The following CADM2 variants were observed in gnomAD, a reference collection of about 807,000 sequenced individuals.
CADM2 encodes immunoglobulin superfamily member 4D.
Under a neutral mutation model 49.8 loss-of-function variants are expected in CADM2, and 12 were observed. The observed-to-expected ratio is 0.24, with a 90% confidence interval of 0.15 to 0.39. The LOEUF (loss-of-function observed/expected upper bound fraction) is 0.39. CADM2 is among the 10% of genes least tolerant of loss of function. The pLI, the probability that CADM2 is intolerant of heterozygous loss-of-function variation, is 1.00. For synonymous variants in CADM2, 214 were observed against 175.4 expected (o/e 1.22, Z -1.74); for missense variants, 378 against 492.3 (o/e 0.77, Z 2.20).
intron 1 of CADM2, among the ~76,000 whole-genome samples, chr3:85,451,164 G>A (rs979160179): frequency 2.0e-5 from 3 of 151,878 alleles, no homozygotes; most frequent in Non-Finnish European, 4.4e-5. Flanking sequence ...GCTGTAATCT[G>A]TTTATTTACA....
In CADM2 at chr3:85,979,685, C is replaced by A. The variant is rs570348792; in HGVS notation, c.970+18038C>A. The stretch of plus-strand genomic sequence containing the variant: ...ATATTAATAACTTGCCACTCCTCTG[C>A]AACTATGTTAAAATATCTATAGTTT... On this transcript the variant is annotated intron_variant, in intron 8 of 9. Coordinates refer to ENST00000383699, the MANE Select transcript of CADM2 (RefSeq NM_001167675.2). 1.7e-4 allele frequency among the ~76,000 whole-genome samples: 26 copies of A among 151,636 alleles called. No individual in the cohort carries two copies. In the South Asian group the frequency reaches 5.2e-3, roughly 30 times the overall value.
In CADM2 at chr3:85,843,560, G is replaced by A. The variant is rs184303890; in HGVS notation, c.239-39731G>A. On this transcript the variant is annotated intron_variant, in intron 3 of 9. Coordinates refer to ENST00000383699, the MANE Select transcript of CADM2 (RefSeq NM_001167675.2). The stretch of plus-strand genomic sequence containing the variant: ...TTTTTTCTCAAATAAATATTTATAT[G>A]AGGTTTTGTAACCATCCCATTATGT... Among the ~76,000 whole-genome samples, 415 of 152,060 alleles carry A rather than the reference G, an allele frequency of 2.7e-3. 1 individual carries two copies. Among genetic ancestry groups the A allele is most frequent in the African/African-American group, 9.6e-3 (399 of 41,486 alleles).
chr3:85,189,886 G>A (rs1030464901), intron 1 of CADM2, among the ~76,000 whole-genome samples: 1 of 95,288 alleles, frequency 1.0e-5, no homozygotes, highest in African/African-American at 1.1e-4. Context: ...GATATTATCA[G>A]TATCAGTTCC....
chr3:85,270,896 T>C (rs1012815048), intron 1 of CADM2, among the ~76,000 whole-genome samples: 1 of 151,486 alleles, frequency 6.6e-6, no homozygotes, highest in Admixed American at 6.6e-5. Flanking sequence ...AGCATATTTC[T>C]TCAATGAGTA....
chr3:86,057,730 A>G (rs544191545), intron 8 of CADM2, among the ~76,000 whole-genome samples: 1 of 152,274 alleles, frequency 6.6e-6, no homozygotes, highest in South Asian at 2.1e-4. Context: ...TGTTGTTCGG[A>G]CTTTGCATGC....
intron 1 of CADM2, among the ~76,000 whole-genome samples, chr3:85,525,039 G>A (rs1207554291): frequency 6.6e-6 from 1 of 152,082 alleles, no homozygotes; most frequent in Admixed American, 6.6e-5. Context: ...ATAGCATTAG[G>A]AGAAATACAT....
At chr3:85,663,793 C>G (rs2065480368) in intron 1 of CADM2, among the ~76,000 whole-genome samples, 1 of 151,998 alleles carries the variant, frequency 6.6e-6, no homozygotes, top group African/African-American at 2.4e-5. Context: ...GCCCCATTCT[C>G]TCCTCCATAT....
chr3:85,082,520 C>T (rs186345771), intron 1 of CADM2, among the ~76,000 whole-genome samples: 22 of 152,206 alleles, frequency 1.4e-4, no homozygotes, highest in Non-Finnish European at 2.6e-4. Flanking sequence ...AAGCCCTTTG[C>T]TCTTTGTAGT....
intron 1 of CADM2, among the ~76,000 whole-genome samples, chr3:85,362,104 C>G (rs927524888): frequency 1.6e-4 from 23 of 148,244 alleles, no homozygotes; most frequent in Admixed American, 4.6e-4. Flanking sequence ...TTGGTTTGGA[C>G]CTCCAGTAAG....
chr3:85,846,118 T>C (rs1009332749), intron 3 of CADM2, among the ~76,000 whole-genome samples: 1 of 152,300 alleles, frequency 6.6e-6, no homozygotes, highest in African/African-American at 2.4e-5. Context: ...ATGTTATTAC[T>C]CTTATGTATT....
intron 1 of CADM2, among the ~76,000 whole-genome samples, chr3:85,704,198 A>G (rs908844701): frequency 2.6e-5 from 4 of 152,222 alleles, no homozygotes; most frequent in Non-Finnish European, 5.9e-5. Flanking sequence ...AGTGCCTACT[A>G]CATGACAACT....
intron 1 of CADM2, among the ~76,000 whole-genome samples, chr3:85,391,108 A>C (rs990830743): frequency 1.3e-5 from 2 of 152,070 alleles, no homozygotes; most frequent in Non-Finnish European, 2.9e-5. Context: ...CCTCCAATGA[A>C]GTACTTATAC....
intron 1 of CADM2, among the ~76,000 whole-genome samples, chr3:85,269,701 ACAAT>A (rs1175630010): frequency 6.6e-6 from 1 of 151,372 alleles, no homozygotes; most frequent in African/African-American, 2.4e-5. Context: ...TGACAGAAAG[ACAAT>A]CAAAAGACAT....
At chr3:85,642,374 A>T (rs57156851) in intron 1 of CADM2, among the ~76,000 whole-genome samples, 6,373 of 152,274 alleles carry the variant, frequency 0.042, 436 homozygotes, top group African/African-American at 0.14. Flanking sequence ...ATACAATGAA[A>T]AACTAAAAAG....
intron 1 of CADM2, among the ~76,000 whole-genome samples, chr3:85,359,052 C>G (rs1320998042): frequency 6.6e-6 from 1 of 152,116 alleles, no homozygotes; most frequent in Non-Finnish European, 1.5e-5. Flanking sequence ...CACAATCTTT[C>G]CACCTGGACA....
intron 1 of CADM2, among the ~76,000 whole-genome samples, chr3:85,579,801 T>C (rs1297657750): frequency 2.0e-5 from 3 of 152,102 alleles, no homozygotes; most frequent in Admixed American, 1.3e-4. Context: ...TTTACATAGA[T>C]ATATAGATTC....
intron 1 of CADM2, among the ~76,000 whole-genome samples, chr3:85,563,199 A>G (rs1442103687): frequency 6.6e-6 from 1 of 152,198 alleles, no homozygotes; most frequent in Non-Finnish European, 1.5e-5. Context: ...ACAGAGTCAC[A>G]TAAAGTTCAC....
At chr3:85,483,236 C>T (rs2039283155) in intron 1 of CADM2, among the ~76,000 whole-genome samples, 1 of 151,156 alleles carries the variant, frequency 6.6e-6, no homozygotes, top group South Asian at 2.1e-4. Context: ...TATTTATTTC[C>T]AAAATAGAAA....
In CADM2 at chr3:85,484,190, T is replaced by G. The variant is rs549476389; in HGVS notation, c.62-242332T>G. Among the ~76,000 whole-genome samples, 6 of 151,986 alleles carry G rather than the reference T, an allele frequency of 3.9e-5. No individual in the cohort carries two copies. In the East Asian group the frequency reaches 1.2e-3, roughly 29 times the overall value. On this transcript the variant is annotated intron_variant, in intron 1 of 9. Transcript: ENST00000383699. The stretch of plus-strand genomic sequence containing the variant: ...TTTTTTCCAGGAGATGCTTGAGCAA[T>G]ACCCTTTGAATGAATTCTTAGATAT...
Sources: gnomAD v4.1 joint callset for allele counts (sites outside exome capture counted in the v4.1 genomes callset) on GRCh38, gnomAD v4.1.1 for gene constraint, MANE v1.5 for transcripts, NCBI Gene and HGNC (gene_info 2026-07-23, HGNC 2026-07-21) for gene names.